Variants in TACR3 observed in about 807,000 individuals in gnomAD.
TACR3 encodes the protein tachykinin receptor 3.
In TACR3, 34 loss-of-function variants were observed where a neutral mutation model predicts 35.0. The ratio of observed to expected loss-of-function variants is 0.97; its 90% CI spans 0.74 to 1.30. The LOEUF (loss-of-function observed/expected upper bound fraction) is 1.30, where lower values mean the gene tolerates loss of function less well. Ranked by LOEUF, TACR3 falls within the 50% of genes most tolerant of loss-of-function variation. The pLI is 0.00. For synonymous variants in TACR3, 233 were observed against 221.1 expected, an observed-to-expected ratio of 1.05 and a Z score of -0.48; for missense variants, 558 against 591.7, an observed-to-expected ratio of 0.94 and a Z score of 0.59.
At chr4:103,700,927 C>T (rs1361217385) in intron 1 of TACR3, among the ~76,000 whole-genome samples, 11 of 152,096 alleles carry the variant, frequency 7.2e-5, no homozygotes, top group African/African-American at 2.2e-4. Flanking sequence ...CTATGACAAA[C>T]CCACAGCCAA....
At chr4:103,659,863 T>C (rs937056367) in intron 1 of TACR3, among the ~76,000 whole-genome samples, 1 of 152,156 alleles carries the variant, frequency 6.6e-6, no homozygotes, top group African/African-American at 2.4e-5. Flanking sequence ...AAATTCTAGC[T>C]AATGTTCAGA....
At chr4:103,641,416 C>T (rs566855637) in intron 3 of TACR3, among the ~76,000 whole-genome samples, 5 of 151,858 alleles carry the variant, frequency 3.3e-5, no homozygotes, top group East Asian at 2.0e-4. Flanking sequence ...AAATTAAAAC[C>T]GCAATGATAT....
At chr4:103,708,216 T>C (rs1722843380) in intron 1 of TACR3, among the ~76,000 whole-genome samples, 1 of 152,170 alleles carries the variant, frequency 6.6e-6, no homozygotes, top group Non-Finnish European at 1.5e-5. Flanking sequence ...AAGTGGGTCC[T>C]TGACCCCTGA....
intron 3 of TACR3, among the ~76,000 whole-genome samples, chr4:103,638,303 G>A (rs1330470266): frequency 1.3e-5 from 2 of 151,262 alleles, no homozygotes; most frequent in Non-Finnish European, 2.9e-5. Context: ...ACAACTATCT[G>A]ATCTTTGACA....
intron 1 of TACR3, among the ~76,000 whole-genome samples, chr4:103,687,057 T>G (rs1355430461): frequency 6.6e-6 from 1 of 151,980 alleles, no homozygotes; most frequent in East Asian, 1.9e-4. Flanking sequence ...CATGATCAAG[T>G]GGGCTTCATC....
At chr4:103,673,870 T>C (rs905854533) in intron 1 of TACR3, among the ~76,000 whole-genome samples, 1 of 152,216 alleles carries the variant, frequency 6.6e-6, no homozygotes, top group Non-Finnish European at 1.5e-5. Flanking sequence ...CAGAACACTA[T>C]ACATAATTAG....
chr4:103,702,093 T>C (rs190767680), intron 1 of TACR3, among the ~76,000 whole-genome samples: 2 of 152,076 alleles, frequency 1.3e-5, no homozygotes, highest in Admixed American at 1.3e-4. Flanking sequence ...CAAAAGAAAC[T>C]ACCATCAGAG....
intron 3 of TACR3, among the ~76,000 whole-genome samples, chr4:103,641,501 A>G (rs939593426): frequency 6.6e-6 from 1 of 151,938 alleles, no homozygotes; most frequent in Non-Finnish European, 1.5e-5. Flanking sequence ...AGAAAAGGGA[A>G]CCCTTCCTTG....
chr4:103,623,545 C>T (rs920829805), intron 3 of TACR3, among the ~76,000 whole-genome samples: 16 of 152,038 alleles, frequency 1.1e-4, no homozygotes, highest in African/African-American at 3.6e-4. Flanking sequence ...CTATATGTCC[C>T]ATTTTAGGTT....
intron 1 of TACR3, among the ~76,000 whole-genome samples, chr4:103,699,894 T>A (rs949771552): frequency 6.6e-6 from 1 of 152,148 alleles, no homozygotes; most frequent in Non-Finnish European, 1.5e-5. Flanking sequence ...TTGAGGAGGC[T>A]GTCGTATTTA....
At chr4:103,700,082 G>A (rs557480124) in intron 1 of TACR3, among the ~76,000 whole-genome samples, 4 of 152,228 alleles carry the variant, frequency 2.6e-5, no homozygotes, top group East Asian at 1.9e-4. Context: ...CACAAACAGC[G>A]AGTCATGTGC....
Position 103,608,924 on chromosome 4 carries a change from A to G in TACR3, c.889-17241T>C, listed in dbSNP as rs193161402. Among the ~76,000 whole-genome samples the G allele has an allele frequency of 5.3e-5, 8 of 152,252 alleles. No homozygotes were observed. The East Asian group carries it at 1.5e-3, about 29-fold the overall frequency. ...CTACAAACAAGGTAGCACATAGAAC[A>G]TTCTGAATAAATATTTGTAAAATCA... On this transcript the variant is annotated intron_variant, in intron 3 of 4. Coordinates refer to ENST00000304883, the MANE Select transcript of TACR3 (RefSeq NM_001059.3).
chr4:103,661,912 T>C (rs1725842741), intron 1 of TACR3, among the ~76,000 whole-genome samples: 1 of 152,082 alleles, frequency 6.6e-6, no homozygotes. Context: ...GCAAAAATGG[T>C]TTTCTGTGAA....
chr4:103,710,184 C>T (rs555022855), intron 1 of TACR3, among the ~76,000 whole-genome samples: 76 of 152,302 alleles, frequency 5.0e-4, no homozygotes, highest in East Asian at 1.2e-3. Flanking sequence ...AACTCTCCAC[C>T]GCAAATCAAC....
At chr4:103,687,264 T>C (rs989998208) in intron 1 of TACR3, among the ~76,000 whole-genome samples, 8 of 152,118 alleles carry the variant, frequency 5.3e-5, no homozygotes, top group South Asian at 2.1e-4. Context: ...ATAAGAGCTA[T>C]CTATGACAAA....
At chr4:103,635,419 G>C (rs931731989) in intron 3 of TACR3, among the ~76,000 whole-genome samples, 2 of 151,838 alleles carry the variant, frequency 1.3e-5, no homozygotes, top group African/African-American at 4.8e-5. Context: ...ACTGAACTTA[G>C]GTGTGCATCT....
chr4:103,711,960 A>G (rs960491188), intron 1 of TACR3, among the ~76,000 whole-genome samples: 2 of 152,122 alleles, frequency 1.3e-5, no homozygotes, highest in Non-Finnish European at 1.5e-5. Context: ...CCTCTTCAAG[A>G]AGAACTACAA....
intron 3 of TACR3, among the ~76,000 whole-genome samples, chr4:103,605,721 T>G (rs1195416392): frequency 5.9e-5 from 9 of 151,960 alleles, no homozygotes; most frequent in Admixed American, 1.3e-4. Flanking sequence ...ATTCTGGATA[T>G]TAGCCCTTTG....
chr4:103,642,214 A>T (rs1209847080), intron 3 of TACR3, among the ~76,000 whole-genome samples: 2 of 150,498 alleles, frequency 1.3e-5, no homozygotes, highest in Non-Finnish European at 1.5e-5. Flanking sequence ...ATACATATTT[A>T]TATATATATA....
Sources: gnomAD v4.1 joint callset for allele counts (sites outside exome capture counted in the v4.1 genomes callset) on GRCh38, gnomAD v4.1.1 for gene constraint, MANE v1.5 for transcripts, NCBI Gene and HGNC (gene_info 2026-07-23, HGNC 2026-07-21) for gene names.